Variants in TRIM44 observed in about 807,000 individuals in gnomAD.
TRIM44 encodes the protein tripartite motif-containing protein 44.
In TRIM44, 13 loss-of-function variants were observed where a neutral mutation model predicts 37.4. The ratio of observed to expected loss-of-function variants is 0.35; its 90% CI spans 0.23 to 0.55. TRIM44 has a LOEUF of 0.55. Ranked by LOEUF, TRIM44 falls within the 20% of genes least tolerant of loss-of-function variation. The pLI, the probability that TRIM44 is intolerant of heterozygous loss-of-function variation, is 0.89. For synonymous variants in TRIM44, 175 were observed against 157.2 expected (o/e 1.11, Z -0.85); for missense variants, 426 against 437.2 (o/e 0.97, Z 0.23).
chr11:35,768,572 T>C (rs1463228934), intron 4 of TRIM44, among the ~76,000 whole-genome samples: 2 of 152,200 alleles, frequency 1.3e-5, no homozygotes, highest in African/African-American at 2.4e-5. Context: ...TAGAAATGAA[T>C]TCTATGTGCC....
In TRIM44 at chr11:35,812,368, CTAAG is replaced by C. The variant is rs1469539803; in HGVS notation, c.*5985_*5988del. ...TGCTTGAAGTCAGTAACAGACTGCA[CTAAG>C]TGTCTGTGCTTGTTAACTATTGTAA... On this transcript the variant is annotated 3_prime_UTR_variant, in exon 5 of 5. Transcript: ENST00000299413. 2 of 152,184 alleles carry C rather than the reference CTAAG, an allele frequency of 1.3e-5. No individual in the cohort carries two copies. Among genetic ancestry groups the C allele is most frequent in the African/African-American group, 4.8e-5 (2 of 41,454 alleles). 9.4% of individuals were successfully genotyped at this position (152,184 alleles called of 1,614,324 possible).
intron 4 of TRIM44, among the ~76,000 whole-genome samples, chr11:35,777,639 A>C (rs1290788600): frequency 6.6e-6 from 1 of 152,180 alleles, no homozygotes; most frequent in African/African-American, 2.4e-5. Flanking sequence ...GAGCTCTTGT[A>C]AGGCAGGCCT....
chr11:35,682,360 C>T (rs1023131843), intron 1 of TRIM44, among the ~76,000 whole-genome samples: 29 of 152,082 alleles, frequency 1.9e-4, no homozygotes, highest in African/African-American at 6.8e-4. Flanking sequence ...GTGCACAAGG[C>T]CCCTTGGGGT....
intron 1 of TRIM44, 85 bp downstream of exon 1, chr11:35,663,865 CTTTCACTG>C: frequency 6.9e-7 from 1 of 1,459,032 alleles, no homozygotes; most frequent in South Asian, 1.4e-5. Context: ...ACCACATTCG[CTTTCACTG>C]TGTCCCTAAG....
intron 4 of TRIM44, among the ~76,000 whole-genome samples, chr11:35,751,051 C>T (rs370006465): frequency 1.8e-4 from 28 of 152,066 alleles, no homozygotes; most frequent in African/African-American, 5.1e-4. Flanking sequence ...GTAATAACAA[C>T]GCAGTGGTAC....
At chr11:35,755,907 GC>G in intron 4 of TRIM44, among the ~76,000 whole-genome samples, 1 of 152,214 alleles carries the variant, frequency 6.6e-6, no homozygotes, top group South Asian at 2.1e-4. Context: ...GGTTACTGTA[GC>G]CTTGTAGTAT....
intron 4 of TRIM44, among the ~76,000 whole-genome samples, chr11:35,803,799 A>G (rs1355945296): frequency 6.6e-6 from 1 of 152,226 alleles, no homozygotes; most frequent in African/African-American, 2.4e-5. Flanking sequence ...AAGTGAAGCA[A>G]GAACATTCAG....
chr11:35,768,194 G>C (rs1252061526), intron 4 of TRIM44, among the ~76,000 whole-genome samples: 1 of 152,200 alleles, frequency 6.6e-6, no homozygotes, highest in Non-Finnish European at 1.5e-5. Context: ...TTTGAGTGTA[G>C]ACTGTAGAAT....
intron 2 of TRIM44, among the ~76,000 whole-genome samples, chr11:35,717,313 G>C (rs190951756): frequency 3.3e-4 from 51 of 152,326 alleles, no homozygotes; most frequent in African/African-American, 1.2e-3. Context: ...GAGGTCAGTA[G>C]TGAAATTAAA....
In TRIM44 at chr11:35,662,966, C is replaced by T. The variant is rs1265599649; in HGVS notation, c.-146C>T. On this transcript the variant is annotated 5_prime_UTR_variant, in exon 1 of 5. Coordinates refer to ENST00000299413, the MANE Select transcript of TRIM44 (RefSeq NM_017583.6). ...GCCCGGGCAGGGGCTGCCGCGGCCC[C>T]AGGTCCCGCTTCGAGACGCGGCGCG... The T allele has an allele frequency of 7.5e-7, 1 of 1,340,580 alleles. No individual in the cohort carries two copies. Among genetic ancestry groups the T allele is most frequent in the African/African-American group, 1.5e-5 (1 of 65,860 alleles). The allele number at this position is 1,340,580 out of a possible 1,614,324, so 83.0% of individuals were successfully genotyped here.
In TRIM44 at chr11:35,811,174, A is replaced by G. The variant is rs1853524020; in HGVS notation, c.*4789A>G. ...TTTTGGTTACTAGATGTGGGAGTCT[A>G]ATTTACTCCTGACTTTTCCACAGTG... On this transcript the variant is annotated 3_prime_UTR_variant, in exon 5 of 5. Transcript: ENST00000299413. 2.0e-5 allele frequency: 3 copies of G among 152,122 alleles called. No individual in the cohort carries two copies. The highest frequency in any genetic ancestry group is 2.9e-5 in the Non-Finnish European group (2 of 68,014). 9.4% of individuals were successfully genotyped at this position (152,122 alleles called of 1,614,324 possible). A position where few individuals can be genotyped will look rare whatever the true frequency, so the allele number is the denominator to read the frequency against.
At chr11:35,718,262 T>C (rs1852061699) in intron 2 of TRIM44, among the ~76,000 whole-genome samples, 1 of 152,144 alleles carries the variant, frequency 6.6e-6, no homozygotes, top group African/African-American at 2.4e-5. Context: ...CAGAATTATC[T>C]TTCCTGGTCC....
intron 4 of TRIM44, among the ~76,000 whole-genome samples, chr11:35,740,023 A>G (rs904283346): frequency 7.4e-5 from 11 of 147,800 alleles, no homozygotes; most frequent in African/African-American, 2.8e-4. Context: ...CACTTGAGCC[A>G]GGGAGTCAGA....
At chr11:35,731,666 A>G (rs1852261839) in intron 3 of TRIM44, among the ~76,000 whole-genome samples, 1 of 152,070 alleles carries the variant, frequency 6.6e-6, no homozygotes, top group Non-Finnish European at 1.5e-5. Context: ...AAAACTCTTT[A>G]TAAAGCTAAG....
chr11:35,742,166 C>T (rs552946162), intron 4 of TRIM44, among the ~76,000 whole-genome samples: 38 of 151,886 alleles, frequency 2.5e-4, no homozygotes, highest in African/African-American at 9.2e-4. Flanking sequence ...TGGTTTTGAA[C>T]TACTGGGGTC....
Position 35,813,855 on chromosome 11 carries a change from C to T in TRIM44, c.*7470C>T, listed in dbSNP as rs1853553376. ...TTAGCTAAATCAAACAGTGTATATC[C>T]CCCTAGCTGACTTTTATTGTTTCAT... On this transcript the variant is annotated 3_prime_UTR_variant, in exon 5 of 5. Coordinates refer to ENST00000299413, the MANE Select transcript of TRIM44 (RefSeq NM_017583.6). 6.6e-6 allele frequency: 1 copy of T among 152,024 alleles called. No individual in the cohort carries two copies. Among genetic ancestry groups the T allele is most frequent in the Non-Finnish European group, 1.5e-5 (1 of 68,006 alleles). 9.4% of individuals were successfully genotyped at this position (152,024 alleles called of 1,614,324 possible). A position where few individuals can be genotyped will look rare whatever the true frequency, so the allele number is the denominator to read the frequency against.
In TRIM44 at chr11:35,662,987, G is replaced by A; in HGVS notation, c.-125G>A. On this transcript the variant is annotated 5_prime_UTR_variant, in exon 1 of 5. Coordinates refer to ENST00000299413, the MANE Select transcript of TRIM44 (RefSeq NM_017583.6). ...GCCCCAGGTCCCGCTTCGAGACGCG[G>A]CGCGGTCCAGGCGGGAGGCGACTCC... The A allele has an allele frequency of 7.3e-7, 1 of 1,377,444 alleles. No individual in the cohort carries two copies. The highest frequency in any genetic ancestry group is 9.3e-7 in the Non-Finnish European group (1 of 1,070,984). 85.3% of individuals were successfully genotyped at this position (1,377,444 alleles called of 1,614,324 possible). A position where few individuals can be genotyped will look rare whatever the true frequency, so the allele number is the denominator to read the frequency against.
intron 1 of TRIM44, among the ~76,000 whole-genome samples, chr11:35,676,883 G>A (rs1318009072): frequency 6.6e-6 from 1 of 152,118 alleles, no homozygotes; most frequent in Admixed American, 6.5e-5. Context: ...GTCTGTTGTT[G>A]AATTTTGAGA....
At chr11:35,680,780 C>A (rs974301558) in intron 1 of TRIM44, among the ~76,000 whole-genome samples, 2 of 152,176 alleles carry the variant, frequency 1.3e-5, no homozygotes, top group Non-Finnish European at 2.9e-5. Context: ...CAGGGCCTAA[C>A]ACTTGCTGTT....
Sources: allele counts gnomAD v4.1 joint callset (sites outside exome capture counted in the v4.1 genomes callset), GRCh38; gene constraint gnomAD v4.1.1; transcripts MANE v1.5; gene names NCBI Gene and HGNC (gene_info 2026-07-23, HGNC 2026-07-21).